NRXN3: variants seen among roughly 807,000 people sequenced by gnomAD.
The protein encoded by NRXN3 is neurexin 3.
NRXN3 carries 32 observed loss-of-function variants against 137.6 expected under a neutral mutation model. That is an observed-to-expected ratio of 0.23 (90% CI 0.18 to 0.31). The LOEUF (loss-of-function observed/expected upper bound fraction) is 0.31, where lower values mean the gene tolerates loss of function less well. Among genes scored for constraint, NRXN3 ranks in the 10% least tolerant of loss-of-function variants. NRXN3 has a pLI of 1.00. For missense variants in NRXN3, 1,574 were observed against 2,062.5 expected (o/e 0.76, Z 4.59); for synonymous variants, 798 against 784.5 (o/e 1.02, Z -0.29).
At chr14:79,082,011 T>G (rs1026707891) in intron 15 of NRXN3, among the ~76,000 whole-genome samples, 2 of 151,938 alleles carry the variant, frequency 1.3e-5, no homozygotes, top group African/African-American at 2.4e-5. Flanking sequence ...GGGGAAGGCA[T>G]AAATATATAA....
chr14:79,256,219 C>A (rs1039414144), intron 15 of NRXN3, among the ~76,000 whole-genome samples: 2 of 151,788 alleles, frequency 1.3e-5, no homozygotes, highest in Non-Finnish European at 2.9e-5. Context: ...CCCAGAAGAG[C>A]ATTTTGGCCA....
intron 1 of NRXN3, among the ~76,000 whole-genome samples, chr14:78,221,728 G>T (rs1420533810): frequency 2.6e-5 from 4 of 152,128 alleles, no homozygotes; most frequent in Non-Finnish European, 5.9e-5. Flanking sequence ...TGGGGTGGGT[G>T]GCTGGAATAG....
At chr14:79,748,779 A>G (rs1450562866) in intron 19 of NRXN3, among the ~76,000 whole-genome samples, 1 of 151,948 alleles carries the variant, frequency 6.6e-6, no homozygotes, top group East Asian at 1.9e-4. Flanking sequence ...TTTGCCATAG[A>G]GCTATTGTCA....
intron 16 of NRXN3, among the ~76,000 whole-genome samples, chr14:79,474,475 G>C (rs1386864568): frequency 6.6e-6 from 1 of 152,096 alleles, no homozygotes; most frequent in Non-Finnish European, 1.5e-5. Context: ...TCAATTTTAT[G>C]AATTAACCAG....
At chr14:79,200,276 C>G (rs1319714670) in intron 15 of NRXN3, among the ~76,000 whole-genome samples, 2 of 152,102 alleles carry the variant, frequency 1.3e-5, no homozygotes, top group Non-Finnish European at 2.9e-5. Flanking sequence ...GCACGTTAGC[C>G]TCCTGAAGAG....
chr14:79,397,071 T>C (rs1412277880), intron 15 of NRXN3, among the ~76,000 whole-genome samples: 2 of 152,146 alleles, frequency 1.3e-5, no homozygotes, highest in African/African-American at 4.8e-5. Context: ...TACAGAAAGG[T>C]GCTATTGGGA....
chr14:78,433,770 C>T (rs144214663), intron 4 of NRXN3, among the ~76,000 whole-genome samples: 1 of 152,220 alleles, frequency 6.6e-6, no homozygotes, highest in East Asian at 1.9e-4. Context: ...AAATAAATCT[C>T]TGCTCTTTAT....
At chr14:78,807,785 GA>G (rs75695624) in intron 9 of NRXN3, among the ~76,000 whole-genome samples, 1 of 9,968 alleles carries the variant, frequency 1.0e-4, no homozygotes, top group African/African-American at 1.3e-4. Context: ...GAGAAAGAAA[GA>G]AAAAAACTTT....
At chr14:79,782,050 C>A (rs899448219) in intron 19 of NRXN3, among the ~76,000 whole-genome samples, 6 of 152,170 alleles carry the variant, frequency 3.9e-5, no homozygotes, top group Non-Finnish European at 5.9e-5. Flanking sequence ...AGCTGACAAC[C>A]TTTGGATTCT....
intron 15 of NRXN3, among the ~76,000 whole-genome samples, chr14:79,422,915 G>T (rs1018344343): frequency 5.9e-5 from 9 of 151,998 alleles, no homozygotes; most frequent in African/African-American, 2.2e-4. Context: ...GGCCAGGCTG[G>T]TCTCGAACTC....
intron 15 of NRXN3, among the ~76,000 whole-genome samples, chr14:79,198,825 T>C (rs942943893): frequency 2.6e-5 from 4 of 152,130 alleles, no homozygotes; most frequent in African/African-American, 7.2e-5. Context: ...AAAATGGGGA[T>C]TGAACTGTGA....
At chr14:78,418,992 G>A (rs983175437) in intron 4 of NRXN3, among the ~76,000 whole-genome samples, 2 of 152,172 alleles carry the variant, frequency 1.3e-5, no homozygotes, top group African/African-American at 4.8e-5. Flanking sequence ...ACACTAACAA[G>A]TGCAGCCAAT....
At chr14:79,355,939 T>A in intron 15 of NRXN3, among the ~76,000 whole-genome samples, 1 of 152,268 alleles carries the variant, frequency 6.6e-6, no homozygotes, top group Non-Finnish European at 1.5e-5. Flanking sequence ...TTCCTTTATA[T>A]ATGATATAAT....
intron 16 of NRXN3, among the ~76,000 whole-genome samples, chr14:79,473,639 A>G (rs1240415173): frequency 1.3e-5 from 2 of 152,202 alleles, no homozygotes; most frequent in Non-Finnish European, 2.9e-5. Context: ...TAACGCAAAT[A>G]AAAAAGGAAC....
rs527893915 is a variant in NRXN3 at position 78,763,466 on chromosome 14, C to T, written c.2045-40154C>T. On this transcript the variant is annotated intron_variant, in intron 8 of 20. Transcript: ENST00000335750. ...GTAGATTCTCAGAAAAATAAAAATA[C>T]TATATATAATTATAAATATGATTCT... Among the ~76,000 whole-genome samples, 19 of 151,470 alleles carry T rather than the reference C, an allele frequency of 1.3e-4. No individual in the cohort carries two copies. The South Asian group carries it at 2.9e-3, about 23-fold the overall frequency.
chr14:79,441,838 G>T (rs1279564240), intron 15 of NRXN3, among the ~76,000 whole-genome samples: 1 of 149,938 alleles, frequency 6.7e-6, no homozygotes, highest in East Asian at 2.0e-4. Context: ...CAATAAGATG[G>T]AAGCAAACTT....
intron 8 of NRXN3, among the ~76,000 whole-genome samples, chr14:78,736,458 T>G (rs1353226655): frequency 6.6e-6 from 1 of 152,222 alleles, no homozygotes; most frequent in African/African-American, 2.4e-5. Flanking sequence ...GAGGGTATAA[T>G]AATATTAGCC....
chr14:79,149,785 T>C (rs1032994941), intron 15 of NRXN3, among the ~76,000 whole-genome samples: 1 of 152,192 alleles, frequency 6.6e-6, no homozygotes, highest in Non-Finnish European at 1.5e-5. Context: ...ATGTTCTTAC[T>C]TGTAAGTGGG....
chr14:78,887,704 T>A (rs1374725583), intron 10 of NRXN3, among the ~76,000 whole-genome samples: 1 of 152,092 alleles, frequency 6.6e-6, no homozygotes, highest in Admixed American at 6.6e-5. Context: ...TGCTGCCAAC[T>A]TCTCTCCTCT....
Sources: allele counts gnomAD v4.1 joint callset (sites outside exome capture counted in the v4.1 genomes callset), GRCh38; gene constraint gnomAD v4.1.1; transcripts MANE v1.5; gene names NCBI Gene and HGNC (gene_info 2026-07-23, HGNC 2026-07-21).